SPIN1: variants seen among roughly 807,000 people sequenced by gnomAD.
SPIN1 encodes spindlin 1.
Under a neutral mutation model 26.0 loss-of-function variants are expected in SPIN1, and 3 were observed. The ratio of observed to expected loss-of-function variants is 0.12; its 90% CI spans 0.05 to 0.30. The LOEUF (loss-of-function observed/expected upper bound fraction) is 0.30. Ranked by LOEUF, SPIN1 falls within the 10% of genes least tolerant of loss-of-function variation. The pLI is 1.00. For synonymous variants in SPIN1, 101 were observed against 116.5 expected, an observed-to-expected ratio of 0.87 and a Z score of 0.86; for missense variants, 126 against 333.4, an observed-to-expected ratio of 0.38 and a Z score of 4.84.
At chr9:88,396,505 G>C (rs1348743396) in intron 1 of SPIN1, among the ~76,000 whole-genome samples, 2 of 151,404 alleles carry the variant, frequency 1.3e-5, no homozygotes, top group Admixed American at 1.3e-4. Context: ...AGGAGGCTGA[G>C]GCAGGAGAAT....
intron 1 of SPIN1, among the ~76,000 whole-genome samples, chr9:88,417,867 T>G (rs1308919292): frequency 2.0e-5 from 3 of 152,246 alleles, no homozygotes; most frequent in African/African-American, 7.2e-5. Flanking sequence ...TTTGCTAGAA[T>G]CACTCACAGA....
At chr9:88,425,041 G>A (rs1229993452) in intron 1 of SPIN1, among the ~76,000 whole-genome samples, 1 of 152,142 alleles carries the variant, frequency 6.6e-6, no homozygotes, top group African/African-American at 2.4e-5. Context: ...CAGGGTGTGT[G>A]GTGACAAATG....
chr9:88,399,350 G>C (rs1827139239), intron 1 of SPIN1, among the ~76,000 whole-genome samples: 1 of 152,154 alleles, frequency 6.6e-6, no homozygotes, highest in African/African-American at 2.4e-5. Flanking sequence ...GTTTCTGTCA[G>C]GCTGTTGTCT....
At chr9:88,446,827 G>T (rs1258408609) in intron 2 of SPIN1, among the ~76,000 whole-genome samples, 1 of 152,068 alleles carries the variant, frequency 6.6e-6, no homozygotes, top group African/African-American at 2.4e-5. Flanking sequence ...TGTATCCTCT[G>T]TTCTTTAGCC....
intron 2 of SPIN1, among the ~76,000 whole-genome samples, chr9:88,438,783 C>A (rs192716362): frequency 8.5e-5 from 13 of 152,258 alleles, no homozygotes; most frequent in Admixed American, 6.5e-4. Context: ...CGTGATTCCA[C>A]AATTGGGTGA....
chr9:88,463,784 T>C (rs570557448), intron 4 of SPIN1, among the ~76,000 whole-genome samples: 3 of 152,350 alleles, frequency 2.0e-5, no homozygotes, highest in East Asian at 1.9e-4. Flanking sequence ...AAAAGTAATA[T>C]TAAGTCTTTG....
At chr9:88,412,999 AGT>A (rs1389998084) in intron 1 of SPIN1, among the ~76,000 whole-genome samples, 51 of 151,670 alleles carry the variant, frequency 3.4e-4, no homozygotes, top group Admixed American at 3.3e-3. Context: ...CAGTAATTTA[AGT>A]GACAAGACAA....
At chr9:88,463,327 ATAAT>A (rs1828607037) in intron 4 of SPIN1, among the ~76,000 whole-genome samples, 1 of 152,214 alleles carries the variant, frequency 6.6e-6, no homozygotes. Flanking sequence ...AAGGTAAATA[ATAAT>A]TACTGATTTT....
At chr9:88,457,271 G>A (rs992080572) in intron 3 of SPIN1, among the ~76,000 whole-genome samples, 1 of 152,146 alleles carries the variant, frequency 6.6e-6, no homozygotes, top group African/African-American at 2.4e-5. Context: ...AAAACACCTT[G>A]AAGACCCAGC....
chr9:88,404,520 T>C (rs1476761467), intron 1 of SPIN1, among the ~76,000 whole-genome samples: 1 of 152,176 alleles, frequency 6.6e-6, no homozygotes, highest in African/African-American at 2.4e-5. Flanking sequence ...ACAAACACAT[T>C]GTACAGATGT....
intron 3 of SPIN1, 116 bp downstream of exon 3, chr9:88,449,105 G>A: frequency 1.1e-6 from 1 of 893,276 alleles, no homozygotes; most frequent in Non-Finnish European, 1.8e-6. Context: ...TAGCTCATAG[G>A]AGATGTAGTG....
intron 1 of SPIN1, among the ~76,000 whole-genome samples, chr9:88,402,265 T>C (rs981252158): frequency 3.3e-5 from 5 of 152,196 alleles, no homozygotes; most frequent in South Asian, 2.1e-4. Context: ...AGTGCTGGGA[T>C]TGCAGGTGTG....
Position 88,426,729 on chromosome 9 carries a change from T to C in SPIN1, c.52+138T>C, listed in dbSNP as rs1587791088. On this transcript the variant is annotated intron_variant, in intron 2 of 5. Coordinates refer to ENST00000375859, the MANE Select transcript of SPIN1 (RefSeq NM_006717.3). The stretch of plus-strand genomic sequence containing the variant: ...CTAGTATGTTATACACATATGCATA[T>C]ATTAAGAAGCAGATTTAAGTTTCTT... 3.8e-5 allele frequency: 22 copies of C among 577,772 alleles called. No individual in the cohort carries two copies. The South Asian group carries it at 6.3e-4, about 17-fold the overall frequency. 35.8% of individuals were successfully genotyped at this position (577,772 alleles called of 1,614,324 possible). A position where few individuals can be genotyped will look rare whatever the true frequency, so the allele number is the denominator to read the frequency against.
chr9:88,394,613 TAAGC>T (rs1275649935), intron 1 of SPIN1, among the ~76,000 whole-genome samples: 3 of 152,162 alleles, frequency 2.0e-5, no homozygotes, highest in African/African-American at 4.8e-5. Context: ...ATAACACTAA[TAAGC>T]AACTGTAGCT....
intron 1 of SPIN1, among the ~76,000 whole-genome samples, chr9:88,412,132 T>C (rs1190102829): frequency 6.6e-6 from 1 of 151,854 alleles, no homozygotes; most frequent in Non-Finnish European, 1.5e-5. Flanking sequence ...TGAGCCGAGA[T>C]CATGCCACTG....
chr9:88,445,518 T>TTTTTTATTA (rs1554695903), intron 2 of SPIN1, among the ~76,000 whole-genome samples: 3 of 134,610 alleles, frequency 2.2e-5, no homozygotes, highest in Non-Finnish European at 3.1e-5. Flanking sequence ...TATTGAGACT[T>TTTTTTATTA]TTATTATTAT....
chr9:88,414,935 G>A (rs866034385), intron 1 of SPIN1, among the ~76,000 whole-genome samples: 3 of 152,032 alleles, frequency 2.0e-5, no homozygotes, highest in South Asian at 2.1e-4. Flanking sequence ...ATGGAGTCTC[G>A]CTGTGTCACC....
chr9:88,433,936 A>G (rs73652558), intron 2 of SPIN1, among the ~76,000 whole-genome samples: 4,001 of 152,220 alleles, frequency 0.026, 178 homozygotes, highest in African/African-American at 0.092. Context: ...TAAGGAAACA[A>G]CTTTGAACAT....
intron 2 of SPIN1, among the ~76,000 whole-genome samples, chr9:88,428,199 A>C (rs943292157): frequency 4.6e-5 from 7 of 152,094 alleles, no homozygotes; most frequent in African/African-American, 1.7e-4. Context: ...TTTTTATTTT[A>C]GATTCAGAGG....
Sources: allele counts gnomAD v4.1 joint callset (sites outside exome capture counted in the v4.1 genomes callset), GRCh38; gene constraint gnomAD v4.1.1; transcripts MANE v1.5; gene names NCBI Gene and HGNC (gene_info 2026-07-23, HGNC 2026-07-21).